Variants in TMTC2 observed in about 807,000 individuals in gnomAD.
The protein encoded by TMTC2 is protein O-mannosyl-transferase TMTC2.
Under a neutral mutation model 82.4 loss-of-function variants are expected in TMTC2, and 43 were observed. That is an observed-to-expected ratio of 0.52 (90% CI 0.41 to 0.67). The LOEUF (loss-of-function observed/expected upper bound fraction) is 0.67. Among genes scored for constraint, TMTC2 ranks in the 30% least tolerant of loss-of-function variants. The pLI is 0.00. For synonymous variants in TMTC2, 408 were observed against 381.9 expected, an observed-to-expected ratio of 1.07 and a Z score of -0.80; for missense variants, 919 against 1,012.4, an observed-to-expected ratio of 0.91 and a Z score of 1.25.
intron 1 of TMTC2, among the ~76,000 whole-genome samples, chr12:82,843,805 G>A (rs1167459667): frequency 1.3e-5 from 2 of 152,000 alleles, no homozygotes; most frequent in Non-Finnish European, 2.9e-5. Flanking sequence ...AAAATTAGAC[G>A]GGTCTGGTGG....
chr12:83,018,735 C>T (rs1880788975), intron 8 of TMTC2, among the ~76,000 whole-genome samples: 1 of 150,698 alleles, frequency 6.6e-6, no homozygotes. Context: ...GAGTATCACT[C>T]AGGTCTCAAG....
rs1555204073 is a variant in TMTC2, at chr12:82,997,398, G to GTGTA, written c.2070+11353_2070+11354insGTAT. On this transcript the variant is annotated intron_variant, in intron 8 of 11. Transcript: ENST00000321196. ...TATATATATGTGTATATATATATGT[G>GTGTA]TATATATATATGTGTATATATATAT... is the stretch of plus-strand genomic sequence containing the variant. Among the ~76,000 whole-genome samples, 196 of 45,840 alleles carry GTGTA rather than the reference G, an allele frequency of 4.3e-3. 1 individual carries two copies. The highest frequency in any genetic ancestry group is 7.3e-3 in the South Asian group (6 of 818). The allele number at this position is 45,840 out of a possible 152,430, so 30.1% of individuals were successfully genotyped here.
intron 1 of TMTC2, among the ~76,000 whole-genome samples, chr12:82,754,500 C>T (rs988131713): frequency 3.6e-4 from 55 of 151,944 alleles, no homozygotes; most frequent in Non-Finnish European, 8.8e-5. Context: ...TTTGGTAGGC[C>T]GAGGCGGGTG....
At chr12:82,875,478 C>A (rs1309015232) in intron 2 of TMTC2, among the ~76,000 whole-genome samples, 6 of 152,112 alleles carry the variant, frequency 3.9e-5, no homozygotes, top group African/African-American at 1.4e-4. Context: ...TTTTCCTACT[C>A]CATATTGTAT....
chr12:82,901,287 T>C (rs1241262556), intron 3 of TMTC2, among the ~76,000 whole-genome samples: 1 of 125,288 alleles, frequency 8.0e-6, no homozygotes, highest in Non-Finnish European at 1.6e-5. Context: ...GAGAGTAATA[T>C]ATATATATAT....
At chr12:83,083,519 C>A (rs1883544993) in intron 11 of TMTC2, among the ~76,000 whole-genome samples, 1 of 152,122 alleles carries the variant, frequency 6.6e-6, no homozygotes. Context: ...GTGTTATCTG[C>A]CTCCCCTCTC....
chr12:83,028,238 A>G (rs1438897512), intron 8 of TMTC2, among the ~76,000 whole-genome samples: 1 of 152,186 alleles, frequency 6.6e-6, no homozygotes, highest in Non-Finnish European at 1.5e-5. Context: ...TATTACAAAC[A>G]TATACGTAGG....
chr12:82,770,069 G>T (rs899671253), intron 1 of TMTC2, among the ~76,000 whole-genome samples: 1 of 152,148 alleles, frequency 6.6e-6, no homozygotes, highest in African/African-American at 2.4e-5. Flanking sequence ...TAATTTGTGT[G>T]TGGGTGCGAA....
chr12:83,049,678 A>G (rs1882277761), intron 9 of TMTC2, among the ~76,000 whole-genome samples: 1 of 152,226 alleles, frequency 6.6e-6, no homozygotes, highest in Admixed American at 6.5e-5. Context: ...GTATGTACAC[A>G]ATAATGGGAT....
intron 1 of TMTC2, among the ~76,000 whole-genome samples, chr12:82,831,980 TC>T (rs926484434): frequency 6.6e-6 from 1 of 152,192 alleles, no homozygotes; most frequent in African/African-American, 2.4e-5. Flanking sequence ...TAGCATTATG[TC>T]GCTGACTAAA....
chr12:83,117,896 T>TTTTATTTATTTA (rs3069105), intron 11 of TMTC2, among the ~76,000 whole-genome samples: 3,396 of 149,046 alleles, frequency 0.023, 77 homozygotes, highest in Admixed American at 0.059. Context: ...TTCCTAAGTA[T>TTTTATTTATTTA]TTTATTTATT....
intron 1 of TMTC2, among the ~76,000 whole-genome samples, chr12:82,830,403 A>G (rs1056152917): frequency 4.6e-4 from 70 of 152,012 alleles, no homozygotes; most frequent in African/African-American, 1.6e-3. Flanking sequence ...TGCACATTGT[A>G]TCTTGCTGTT....
intron 8 of TMTC2, among the ~76,000 whole-genome samples, chr12:83,015,493 G>A (rs1024298922): frequency 2.0e-5 from 3 of 152,168 alleles, no homozygotes; most frequent in Non-Finnish European, 4.4e-5. Context: ...GATGTTTAGC[G>A]AGTCCTGTGC....
chr12:83,076,784 C>G lies in TMTC2; in HGVS notation c.2331+14953C>G, dbSNP rs531180021. Among the ~76,000 whole-genome samples the G allele has an allele frequency of 6.6e-5, 10 of 152,306 alleles. No individual in the cohort carries two copies. In the East Asian group the frequency reaches 1.7e-3, roughly 26 times the overall value. ...AGTCTTTGTTCTCTCCCTCCTGCTTCTAATTCTCCCTGTAACACCCTCTTT... is the reference window on the plus strand; with the variant it reads ...AGTCTTTGTTCTCTCCCTCCTGCTTGTAATTCTCCCTGTAACACCCTCTTT... On this transcript the variant is annotated intron_variant, in intron 11 of 11. Coordinates refer to ENST00000321196, the MANE Select transcript of TMTC2 (RefSeq NM_152588.3).
Position 83,065,571 on chromosome 12 carries a change from A to T in TMTC2, c.2331+3740A>T, listed in dbSNP as rs188524067. ...TAAAATTAAACCTTATAATACATTA[A>T]AACATGTTTCTATAATAGGAAAACT... On this transcript the variant is annotated intron_variant, in intron 11 of 11. Coordinates refer to ENST00000321196, the MANE Select transcript of TMTC2 (RefSeq NM_152588.3). 3.3e-5 allele frequency among the ~76,000 whole-genome samples: 5 copies of T among 152,062 alleles called. No individual in the cohort carries two copies. In the East Asian group the frequency reaches 9.6e-4, roughly 29 times the overall value.
chr12:83,004,282 T>G (rs1880054402), intron 8 of TMTC2, among the ~76,000 whole-genome samples: 1 of 152,228 alleles, frequency 6.6e-6, no homozygotes, highest in African/African-American at 2.4e-5. Context: ...TTGGATCATT[T>G]TACTGGATTC....
intron 1 of TMTC2, among the ~76,000 whole-genome samples, chr12:82,820,222 C>T (rs7314736): frequency 0.045 from 6,892 of 152,172 alleles, 212 homozygotes; most frequent in Middle Eastern, 0.14. Context: ...TCTGCCTTTC[C>T]GAGTCCACTG....
rs147467569 is a variant in TMTC2 at position 82,805,936 on chromosome 12, C to T, written c.84-51074C>T. ...TCTAGTTGGTGCTAGACACTCTACTCGTTCTGGGAATACTGAGATGAATGA... is the reference window on the plus strand; with the variant it reads ...TCTAGTTGGTGCTAGACACTCTACTTGTTCTGGGAATACTGAGATGAATGA... On this transcript the variant is annotated intron_variant, in intron 1 of 11. Transcript: ENST00000321196. 5.3e-5 allele frequency among the ~76,000 whole-genome samples: 8 copies of T among 152,192 alleles called. No individual in the cohort carries two copies. In the East Asian group the frequency reaches 1.2e-3, roughly 22 times the overall value.
At chr12:83,121,842 A>C (rs1255127497) in intron 11 of TMTC2, among the ~76,000 whole-genome samples, 1 of 152,052 alleles carries the variant, frequency 6.6e-6, no homozygotes, top group Non-Finnish European at 1.5e-5. Flanking sequence ...GCTGTTGGAG[A>C]TAGGGATGAG....
Sources: gnomAD v4.1 joint callset for allele counts (sites outside exome capture counted in the v4.1 genomes callset) on GRCh38, gnomAD v4.1.1 for gene constraint, MANE v1.5 for transcripts, NCBI Gene and HGNC (gene_info 2026-07-23, HGNC 2026-07-21) for gene names.